Variants in DMD observed in about 807,000 individuals in gnomAD.
DMD encodes dystrophin.
Under a neutral mutation model 330.1 loss-of-function variants are expected in DMD, and 63 were observed. The ratio of observed to expected loss-of-function variants is 0.19; its 90% CI spans 0.16 to 0.24. DMD has a LOEUF of 0.24. Ranked by LOEUF, DMD falls within the 10% of genes least tolerant of loss-of-function variation. The pLI, the probability that DMD is intolerant of heterozygous loss-of-function variation, is 1.00. For synonymous variants in DMD, 1,223 were observed against 959.8 expected, an observed-to-expected ratio of 1.27 and a Z score of -5.07; for missense variants, 3,344 against 2,684.1, an observed-to-expected ratio of 1.25 and a Z score of -5.43.
intron 7 of DMD, among the ~76,000 whole-genome samples, chrX:32,808,579 ATT>A (rs780196510): frequency 1.2e-3 from 126 of 107,558 alleles, no homozygotes; most frequent in Non-Finnish European, 2.0e-3. Flanking sequence ...CTTCTGGGTC[ATT>A]TTTGAGTTTT....
chrX:33,268,702 G>A (rs1453783444), intron 1 of DMD, among the ~76,000 whole-genome samples: 1 of 111,236 alleles, frequency 9.0e-6, no homozygotes, highest in African/African-American at 3.3e-5. Flanking sequence ...TTAGGCAGGA[G>A]GATCATATGA....
intron 47 of DMD, among the ~76,000 whole-genome samples, chrX:31,887,488 C>T (rs2094172101): frequency 8.9e-6 from 1 of 111,975 alleles, no homozygotes; most frequent in Non-Finnish European, 1.9e-5. Context: ...TTGGTCTGTT[C>T]CTCTGACATT....
intron 2 of DMD, among the ~76,000 whole-genome samples, chrX:33,015,639 C>G (rs35744278): frequency 0.016 from 1,749 of 110,116 alleles, 20 homozygotes; most frequent in Non-Finnish European, 0.023. Flanking sequence ...TATAACAAAC[C>G]TGCACATGTA....
chrX:33,251,713 A>G lies in DMD; in HGVS notation c.7+87546T>C, dbSNP rs2052775153. ...TAATGGTATATTGGATATTTTTTATACTATCAAGGGATTCTTCTCCCCAGA... is the reference window on the plus strand; with the variant it reads ...TAATGGTATATTGGATATTTTTTATGCTATCAAGGGATTCTTCTCCCCAGA... On this transcript the variant is annotated intron_variant, in intron 1 of 17. Coordinates refer to the DMD transcript ENST00000288447. Among the ~76,000 whole-genome samples, 3 of 112,137 alleles carry G rather than the reference A, an allele frequency of 2.7e-5. No homozygotes were observed. In the Admixed American group the frequency reaches 2.9e-4, roughly 11 times the overall value.
intron 7 of DMD, among the ~76,000 whole-genome samples, chrX:32,738,942 G>A (rs1233822010): frequency 9.0e-6 from 1 of 111,704 alleles, no homozygotes; most frequent in East Asian, 2.8e-4. Context: ...GCAGAAGACA[G>A]CTTTTAAGGG....
chrX:31,522,555 T>C (rs1264719017), intron 55 of DMD, among the ~76,000 whole-genome samples: 1 of 106,437 alleles, frequency 9.4e-6, no homozygotes, highest in Non-Finnish European at 1.9e-5. Flanking sequence ...CAAGAGAATA[T>C]GGAGATCTAA....
chrX:32,562,280 G>C (rs1477991766), intron 16 of DMD, among the ~76,000 whole-genome samples: 1 of 112,343 alleles, frequency 8.9e-6, no homozygotes, highest in Non-Finnish European at 1.9e-5. Flanking sequence ...CCCTCAGCTT[G>C]TGTCCAGGTA....
chrX:31,519,318 T>C (rs1448649675), intron 55 of DMD, among the ~76,000 whole-genome samples: 1 of 112,378 alleles, frequency 8.9e-6, no homozygotes, highest in Non-Finnish European at 1.9e-5. Context: ...GGTTCAAGGT[T>C]GTATATTAGA....
intron 55 of DMD, chrX:31,508,398 C>T (rs931422034): frequency 5.6e-5 from 29 of 519,252 alleles, no homozygotes; most frequent in Non-Finnish European, 7.9e-5. Context: ...TAATAATAAA[C>T]GGCCACTTTG....
chrX:32,832,522 GT>G (rs1603443556), intron 4 of DMD, among the ~76,000 whole-genome samples: 1 of 110,614 alleles, frequency 9.0e-6, no homozygotes, highest in East Asian at 2.8e-4. Flanking sequence ...TTTTAAACAT[GT>G]TAAATGTCTT....
chrX:31,707,272 G>A (rs2084271133), intron 52 of DMD, among the ~76,000 whole-genome samples: 1 of 109,575 alleles, frequency 9.1e-6, no homozygotes. Flanking sequence ...CTCCATTCAG[G>A]GCGTCATCAT....
chrX:32,545,172 C>T lies in DMD; in HGVS notation c.2155G>A (p.Glu719Lys). Residue 719 changes from glutamate (E) to lysine (K), a missense_variant, in exon 17 of 79, where the codon GAA becomes AAA. Physicochemically the swap from Glu to Lys is moderately conservative, Grantham distance 56. Transcript: ENST00000357033. ...QKKRQITVDS[E>K]IRKRLDVDIT... ...AGATGCTCTCACCTTTTCCTAATTT[C>T]AGAATCCACAGTAATCTGCCTCTTC... is the stretch of plus-strand genomic sequence containing the variant. 1 of 1,210,589 alleles carries T rather than the reference C, an allele frequency of 8.3e-7. No homozygotes were observed. The highest frequency in any genetic ancestry group is 1.7e-5 in the African/African-American group (1 of 57,743).
intron 63 of DMD, among the ~76,000 whole-genome samples, chrX:31,226,852 C>T (rs551663290): frequency 2.7e-5 from 3 of 111,604 alleles, no homozygotes; most frequent in African/African-American, 9.8e-5. Context: ...AATGTAGAGA[C>T]GTGGAAATGC....
intron 44 of DMD, among the ~76,000 whole-genome samples, chrX:32,176,511 T>C (rs1262318562): frequency 8.9e-6 from 1 of 112,326 alleles, no homozygotes; most frequent in Non-Finnish European, 1.9e-5. Context: ...ATTATACCAC[T>C]TGAGGAACAT....
intron 29 of DMD, among the ~76,000 whole-genome samples, chrX:32,429,569 CT>C (rs2098229610): frequency 9.3e-6 from 1 of 107,555 alleles, no homozygotes; most frequent in African/African-American, 3.4e-5. Context: ...ACCATCTTTT[CT>C]TTTATTTTAT....
At chrX:31,371,161 A>G (rs764856434) in intron 60 of DMD, among the ~76,000 whole-genome samples, 11 of 111,133 alleles carry the variant, frequency 9.9e-5, no homozygotes, top group African/African-American at 3.3e-4. Context: ...CAGGTGTACC[A>G]TTAGAGGAAA....
chrX:32,242,789 T>C (rs1053060514), intron 43 of DMD, among the ~76,000 whole-genome samples: 4 of 110,398 alleles, frequency 3.6e-5, no homozygotes, highest in African/African-American at 9.9e-5. Context: ...CGCATTGGCA[T>C]AGATATATAA....
At chrX:32,329,881 A>G (rs1353430076) in intron 41 of DMD, among the ~76,000 whole-genome samples, 2 of 112,723 alleles carry the variant, frequency 1.8e-5, no homozygotes, top group Non-Finnish European at 3.8e-5. Flanking sequence ...TTATCTGAAC[A>G]TCTTAAGTTT....
At chrX:32,764,747 G>T (rs992148805) in intron 7 of DMD, among the ~76,000 whole-genome samples, 2 of 111,636 alleles carry the variant, frequency 1.8e-5, no homozygotes, top group Admixed American at 9.6e-5. Context: ...CTATAAACAT[G>T]GGTGTACAAA....
Sources: gnomAD v4.1 joint callset for allele counts (sites outside exome capture counted in the v4.1 genomes callset) on GRCh38, gnomAD v4.1.1 for gene constraint, MANE v1.5 for transcripts, NCBI Gene and HGNC (gene_info 2026-07-23, HGNC 2026-07-21) for gene names.